The following SLC4A10 variants were observed in gnomAD, a reference collection of about 807,000 sequenced individuals.
The protein encoded by SLC4A10 is solute carrier family 4 member 10, also known as sodium-driven chloride bicarbonate exchanger.
Under a neutral mutation model 137.7 loss-of-function variants are expected in SLC4A10, and 42 were observed. The ratio of observed to expected loss-of-function variants is 0.30; its 90% confidence interval spans 0.24 to 0.39. The LOEUF (loss-of-function observed/expected upper bound fraction) is 0.39. SLC4A10 is among the 10% of genes least tolerant of loss of function. SLC4A10 has a pLI of 1.00. For synonymous variants in SLC4A10, 474 were observed against 464.1 expected (o/e 1.02, Z -0.27); for missense variants, 925 against 1,355.0 (o/e 0.68, Z 4.98).
At chr2:161,641,251 A>T (rs1302607341) in intron 1 of SLC4A10, among the ~76,000 whole-genome samples, 1 of 152,094 alleles carries the variant, frequency 6.6e-6, no homozygotes, top group African/African-American at 2.4e-5. Flanking sequence ...ATTTTTATGT[A>T]CTTTCATTTA....
intron 6 of SLC4A10, among the ~76,000 whole-genome samples, chr2:161,869,414 A>C (rs62188768): frequency 0.061 from 9,187 of 151,748 alleles, 365 homozygotes; most frequent in East Asian, 0.13. Context: ...AAATATATTT[A>C]AACAATGATT....
intron 3 of SLC4A10, among the ~76,000 whole-genome samples, chr2:161,812,947 T>G (rs1310906499): frequency 2.6e-5 from 4 of 152,292 alleles, no homozygotes; most frequent in African/African-American, 9.6e-5. Context: ...CTACTTTTAT[T>G]ATGAGTTTTG....
In SLC4A10 at chr2:161,889,253, G is replaced by A. The variant is rs113277571; in HGVS notation, c.1195-5426G>A. Among the ~76,000 whole-genome samples the A allele has an allele frequency of 4.3e-3, 652 of 151,710 alleles. 5 individuals carry two copies. The highest frequency in any genetic ancestry group is 0.015 in the African/African-American group (620 of 41,428). On this transcript the variant is annotated intron_variant, in intron 10 of 26. Transcript: ENST00000446997. ...TATCGGCCTGAAATTTTCTTTTTTT[G>A]TTGCATCTGCCACGTTTTGGTATCA...
At chr2:161,651,674 TC>T (rs1241797025) in intron 1 of SLC4A10, among the ~76,000 whole-genome samples, 1 of 152,174 alleles carries the variant, frequency 6.6e-6, no homozygotes, top group Non-Finnish European at 1.5e-5. Context: ...GTACATCTGG[TC>T]CTGCTGCAGC....
At chr2:161,864,214 T>C (rs2060603577) in intron 6 of SLC4A10, among the ~76,000 whole-genome samples, 1 of 151,770 alleles carries the variant, frequency 6.6e-6, no homozygotes, top group Admixed American at 6.6e-5. Flanking sequence ...AAAAAAAAAG[T>C]TTCCAGTTCT....
chr2:161,685,276 G>A (rs1335487856), intron 1 of SLC4A10, among the ~76,000 whole-genome samples: 1 of 152,054 alleles, frequency 6.6e-6, no homozygotes, highest in Non-Finnish European at 1.5e-5. Context: ...TCATATCCTG[G>A]CAGTCATTCT....
At chr2:161,783,881 A>G (rs1220410639) in intron 2 of SLC4A10, among the ~76,000 whole-genome samples, 1 of 151,918 alleles carries the variant, frequency 6.6e-6, no homozygotes. Context: ...GTACATGACA[A>G]TAATAAATCC....
intron 15 of SLC4A10, among the ~76,000 whole-genome samples, chr2:161,928,905 T>C (rs1451385325): frequency 1.3e-5 from 2 of 152,228 alleles, no homozygotes; most frequent in Admixed American, 1.3e-4. Flanking sequence ...TATACATTTG[T>C]ACATGGAGGT....
At chr2:161,802,481 A>C (rs13425102) in intron 2 of SLC4A10, among the ~76,000 whole-genome samples, 1 of 152,084 alleles carries the variant, frequency 6.6e-6, no homozygotes, top group East Asian at 1.9e-4. Context: ...TATCCCTTTC[A>C]AAGAAACACT....
intron 23 of SLC4A10, among the ~76,000 whole-genome samples, chr2:161,965,925 T>C (rs1697493262): frequency 6.6e-6 from 1 of 152,164 alleles, no homozygotes; most frequent in Admixed American, 6.5e-5. Flanking sequence ...GCAGGATGAT[T>C]GAGCCCATAC....
intron 1 of SLC4A10, among the ~76,000 whole-genome samples, chr2:161,678,868 G>A (rs927013989): frequency 1.6e-4 from 24 of 151,900 alleles, no homozygotes; most frequent in Admixed American, 7.9e-4. Flanking sequence ...TTTTACTATC[G>A]AAGGACATTG....
intron 1 of SLC4A10, among the ~76,000 whole-genome samples, chr2:161,756,506 G>C (rs116696616): frequency 0.018 from 2,715 of 152,196 alleles, 83 homozygotes; most frequent in African/African-American, 0.062. Flanking sequence ...TACATTTTTA[G>C]GATGAGTCAG....
In SLC4A10 at chr2:161,737,978, A is replaced by G. The variant is rs543744117; in HGVS notation, c.49-32995A>G. Among the ~76,000 whole-genome samples, 6 of 152,302 alleles carry G rather than the reference A, an allele frequency of 3.9e-5. No homozygotes were observed. In the South Asian group the frequency reaches 1.2e-3, roughly 32 times the overall value. On this transcript the variant is annotated intron_variant, in intron 1 of 26. Coordinates refer to ENST00000446997, the MANE Select transcript of SLC4A10 (RefSeq NM_001178015.2). ...CAGTTTCTGCCTGACCTAGTCAGAC[A>G]TTTGAGGCCTCTAACTGGATCCAGG... is the stretch of plus-strand genomic sequence containing the variant.
intron 1 of SLC4A10, among the ~76,000 whole-genome samples, chr2:161,766,082 C>A (rs2050767937): frequency 6.6e-6 from 1 of 152,018 alleles, no homozygotes; most frequent in Non-Finnish European, 1.5e-5. Context: ...TGTGAAGCAT[C>A]CAGTGAGTAT....
chr2:161,964,575 A>G (rs1697262106), intron 22 of SLC4A10, among the ~76,000 whole-genome samples: 1 of 152,174 alleles, frequency 6.6e-6, no homozygotes, highest in Non-Finnish European at 1.5e-5. Flanking sequence ...TTCTTCCAAA[A>G]TTTAACATTA....
chr2:161,866,487 A>C (rs1345250043), intron 6 of SLC4A10, among the ~76,000 whole-genome samples: 1 of 151,974 alleles, frequency 6.6e-6, no homozygotes, highest in Non-Finnish European at 1.5e-5. Flanking sequence ...TAATGCCACC[A>C]TGCTGTGTTT....
chr2:161,711,810 C>T (rs2044319219), intron 1 of SLC4A10, among the ~76,000 whole-genome samples: 2 of 151,822 alleles, frequency 1.3e-5, no homozygotes, highest in South Asian at 4.1e-4. Context: ...GCTGCATGAT[C>T]TTGGCTTGTT....
At chr2:161,969,257 A>T (rs1698111361) in intron 23 of SLC4A10, among the ~76,000 whole-genome samples, 1 of 152,198 alleles carries the variant, frequency 6.6e-6, no homozygotes, top group Non-Finnish European at 1.5e-5. Context: ...ATAATGAGTT[A>T]AGCAGAATAA....
At chr2:161,654,634 A>G (rs1450159807) in intron 1 of SLC4A10, among the ~76,000 whole-genome samples, 1 of 152,110 alleles carries the variant, frequency 6.6e-6, no homozygotes, top group Non-Finnish European at 1.5e-5. Flanking sequence ...TGAAGAGGCT[A>G]TTCTTTCCCT....
Sources: allele counts gnomAD v4.1 joint callset (sites outside exome capture counted in the v4.1 genomes callset), GRCh38; gene constraint gnomAD v4.1.1; transcripts MANE v1.5; gene names NCBI Gene and HGNC (gene_info 2026-07-23, HGNC 2026-07-21).